The following AXDND1 variants were observed in gnomAD, a reference collection of about 807,000 sequenced individuals.
AXDND1 encodes the protein axonemal dynein light chain domain-containing protein 1.
Under a neutral mutation model 137.5 loss-of-function variants are expected in AXDND1, and 110 were observed. The ratio of observed to expected loss-of-function variants is 0.80; its 90% CI spans 0.69 to 0.94. The LOEUF (loss-of-function observed/expected upper bound fraction) is 0.94. AXDND1 is among the 40% of genes least tolerant of loss of function. The pLI is 0.00. For synonymous variants in AXDND1, 414 were observed against 399.7 expected (o/e 1.04, Z -0.43); for missense variants, 1,191 against 1,169.8 (o/e 1.02, Z -0.26).
chr1:179,509,457 T>G, intron 21 of AXDND1, 54 bp downstream of exon 21: 1 of 1,155,002 alleles, frequency 8.7e-7, no homozygotes, highest in Non-Finnish European at 1.3e-6. Context: ...TGTATTTCAG[T>G]ACAGAAGGTT....
chr1:179,462,452 A>T (rs1662486299), intron 16 of AXDND1, among the ~76,000 whole-genome samples: 1 of 151,792 alleles, frequency 6.6e-6, no homozygotes. Context: ...GTTTGCCAGT[A>T]TTTTATTGAG....
intron 4 of AXDND1, among the ~76,000 whole-genome samples, chr1:179,374,011 A>C (rs112184350): frequency 0.011 from 1,733 of 151,458 alleles, 30 homozygotes; most frequent in African/African-American, 0.038. Context: ...TCTGCACAGC[A>C]AAAAAAAATT....
chr1:179,507,059 T>C lies in AXDND1; in HGVS notation c.2389-2237T>C, dbSNP rs185848313. On this transcript the variant is annotated intron_variant, in intron 20 of 25. Transcript: ENST00000367618. ...CTCTCCTGTGGCCTTCTGTTTCTCC[T>C]GCTACAATAGGCTTAACATTTAGGA... The C allele has an allele frequency of 3.1e-5, 7 of 228,002 alleles. No homozygotes were observed. The East Asian group carries it at 1.1e-3, about 36-fold the overall frequency. The allele number at this position is 228,002 out of a possible 1,614,324, so 14.1% of individuals were successfully genotyped here.
At chr1:179,497,754 G>A (rs72704440) in intron 20 of AXDND1, among the ~76,000 whole-genome samples, 9,585 of 152,216 alleles carry the variant, frequency 0.063, 357 homozygotes, top group African/African-American at 0.071. Context: ...TCTATACCTA[G>A]AAAATCTTAA....
chr1:179,408,968 CTTTTTTTT>C (rs74384865), intron 11 of AXDND1, among the ~76,000 whole-genome samples: 6 of 126,396 alleles, frequency 4.7e-5, no homozygotes, highest in Admixed American at 7.8e-5. Context: ...TTTTTTCTTT[CTTTTTTTT>C]TTTTTTTTTT....
At chr1:179,485,257 A>G (rs1229035866) in intron 18 of AXDND1, among the ~76,000 whole-genome samples, 9 of 152,114 alleles carry the variant, frequency 5.9e-5, no homozygotes. Flanking sequence ...GTCACCACCT[A>G]ATGAATTGCT....
At chr1:179,424,772 A>G (rs1656315614) in intron 12 of AXDND1, among the ~76,000 whole-genome samples, 1 of 152,074 alleles carries the variant, frequency 6.6e-6, no homozygotes, top group Non-Finnish European at 1.5e-5. Context: ...CTGATTGTGT[A>G]CAAGTAGCCT....
chr1:179,465,398 G>T (rs1443154352), intron 16 of AXDND1, among the ~76,000 whole-genome samples: 2 of 152,224 alleles, frequency 1.3e-5, no homozygotes, highest in Admixed American at 6.5e-5. Flanking sequence ...TCCAGACCCT[G>T]TTTGCCTGGG....
intron 20 of AXDND1, among the ~76,000 whole-genome samples, chr1:179,493,516 C>G (rs1667142479): frequency 6.6e-6 from 1 of 152,136 alleles, no homozygotes; most frequent in East Asian, 1.9e-4. Context: ...GGGTTGATAT[C>G]TAGGAATGGA....
intron 11 of AXDND1, among the ~76,000 whole-genome samples, chr1:179,405,149 A>T (rs1652750449): frequency 1.3e-5 from 2 of 150,782 alleles, no homozygotes. Context: ...TTGAACTCCC[A>T]CTTATGAATG....
At chr1:179,461,987 G>A (rs1662390931) in intron 16 of AXDND1, among the ~76,000 whole-genome samples, 1 of 152,182 alleles carries the variant, frequency 6.6e-6, no homozygotes, top group Non-Finnish European at 1.5e-5. Context: ...CATGTCATCT[G>A]CAAACAGGGA....
Position 179,432,277 on chromosome 1 carries a change from A to C in AXDND1, c.1498A>C (p.Ile500Leu), listed in dbSNP as rs1237978852. The change falls in exon 15 of 26, where the codon ATT becomes CTT. Residue 500 changes from isoleucine (I) to leucine (L), a missense_variant. Physicochemically the swap from Ile to Leu is conservative, Grantham distance 5. Coordinates refer to ENST00000367618, the MANE Select transcript of AXDND1 (RefSeq NM_144696.6). ...KWQEFFNEKD[I>L]LSPNKGNIFN... ...TTTTCTTCTTTTCAGTGAAAAAGAC[A>C]TTTTATCCCCTAATAAGGGAAATAT... is the stretch of plus-strand genomic sequence containing the variant. The C allele has an allele frequency of 6.4e-6, 10 of 1,554,114 alleles. No individual in the cohort carries two copies. The highest frequency in any genetic ancestry group is 8.7e-6 in the Non-Finnish European group (10 of 1,147,352).
intron 20 of AXDND1, among the ~76,000 whole-genome samples, chr1:179,494,880 A>G (rs1328831463): frequency 6.6e-6 from 1 of 152,208 alleles, no homozygotes; most frequent in African/African-American, 2.4e-5. Context: ...TTAACTTTTA[A>G]AAATATGGTG....
At chr1:179,375,594 A>G (rs1021665610) in intron 4 of AXDND1, among the ~76,000 whole-genome samples, 2 of 142,932 alleles carry the variant, frequency 1.4e-5, no homozygotes, top group Admixed American at 1.5e-4. Context: ...ATATATGTAT[A>G]TAATATATGC....
chr1:179,521,141 CAG>C (rs1670026737), intron 21 of AXDND1, among the ~76,000 whole-genome samples: 2 of 151,672 alleles, frequency 1.3e-5, no homozygotes, highest in Admixed American at 1.3e-4. Context: ...TTTAATTTCG[CAG>C]AGACAGGGTC....
intron 12 of AXDND1, among the ~76,000 whole-genome samples, chr1:179,415,737 C>T (rs1051229219): frequency 6.6e-6 from 1 of 151,672 alleles, no homozygotes; most frequent in African/African-American, 2.4e-5. Context: ...TGGAGTCTCA[C>T]TCTGTTGCCC....
chr1:179,492,958 ACT>A lies in AXDND1; in HGVS notation c.2388+10_2388+11del. On this transcript the variant is annotated splice_region_variant and intron_variant, in intron 20 of 25. Transcript: ENST00000367618. ...TGAGGTGGATAAGTTGAAGGTAATAACTCTGTCTTCCCCTTAGTTTTGTTTTT... is the reference window on the plus strand; with the variant it reads ...TGAGGTGGATAAGTTGAAGGTAATAACTGTCTTCCCCTTAGTTTTGTTTTT... 1 of 1,558,494 alleles carries A rather than the reference ACT, an allele frequency of 6.4e-7. No homozygotes were observed. The highest frequency in any genetic ancestry group is 8.7e-7 in the Non-Finnish European group (1 of 1,145,746).
At chr1:179,369,241 C>G (rs1281838125) in intron 3 of AXDND1, among the ~76,000 whole-genome samples, 1 of 151,986 alleles carries the variant, frequency 6.6e-6, no homozygotes, top group East Asian at 1.9e-4. Flanking sequence ...CCACACCTGG[C>G]TAATTTTTGT....
At chr1:179,422,850 G>A (rs1327461152) in intron 12 of AXDND1, among the ~76,000 whole-genome samples, 2 of 151,910 alleles carry the variant, frequency 1.3e-5, no homozygotes, top group Admixed American at 6.6e-5. Context: ...TGCAACCTCC[G>A]CCTCGTGGGT....
Sources: allele counts gnomAD v4.1 joint callset (sites outside exome capture counted in the v4.1 genomes callset), GRCh38; gene constraint gnomAD v4.1.1; transcripts MANE v1.5; gene names NCBI Gene and HGNC (gene_info 2026-07-23, HGNC 2026-07-21).